LGSN: variants seen among roughly 807,000 people sequenced by gnomAD.
LGSN encodes lengsin.
Under a neutral mutation model 19.5 loss-of-function variants are expected in LGSN, and 21 were observed. The observed-to-expected ratio is 1.07, with a 90% confidence interval of 0.76 to 1.55. The LOEUF (loss-of-function observed/expected upper bound fraction) is 1.55. Among genes scored for constraint, LGSN ranks in the 40% most tolerant of loss-of-function variants. The pLI is 0.00. For synonymous variants in LGSN, 257 were observed against 215.6 expected (o/e 1.19, Z -1.68); for missense variants, 673 against 608.5 (o/e 1.11, Z -1.12).
chr6:63,391,275 A>G, the LGSN span, among the ~76,000 whole-genome samples: 1 of 152,208 alleles, frequency 6.6e-6, no homozygotes, highest in Non-Finnish European at 1.5e-5. Flanking sequence ...TAGTTGGTGT[A>G]GGTCTAAAGA....
the LGSN span, among the ~76,000 whole-genome samples, chr6:63,447,750 G>A: frequency 6.6e-6 from 1 of 152,230 alleles, no homozygotes; most frequent in Admixed American, 6.5e-5. Context: ...TAACTTTTAT[G>A]TCAAAATCTT....
the LGSN span, among the ~76,000 whole-genome samples, chr6:63,509,261 C>G: frequency 1.3e-5 from 2 of 151,904 alleles, no homozygotes; most frequent in African/African-American, 4.8e-5. Context: ...GACAGGGTTT[C>G]ACCATGTTGG....
the LGSN span, among the ~76,000 whole-genome samples, chr6:63,383,654 A>G: frequency 6.6e-6 from 1 of 152,170 alleles, no homozygotes; most frequent in Non-Finnish European, 1.5e-5. Context: ...GGACACAGAC[A>G]AGTCATATAC....
chr6:63,431,568 C>T, the LGSN span, among the ~76,000 whole-genome samples: 1 of 152,174 alleles, frequency 6.6e-6, no homozygotes, highest in African/African-American at 2.4e-5. Context: ...TGGCAAATTA[C>T]TTAATCCCCA....
At chr6:63,305,210 C>CA (rs1326392184) in intron 1 of LGSN, among the ~76,000 whole-genome samples, 5 of 152,196 alleles carry the variant, frequency 3.3e-5, no homozygotes, top group East Asian at 1.9e-4. Context: ...CTAACCCTTA[C>CA]AAAAAATTAA....
At chr6:63,566,582 T>A in the LGSN span, among the ~76,000 whole-genome samples, 2 of 152,190 alleles carry the variant, frequency 1.3e-5, no homozygotes, top group African/African-American at 4.8e-5. Context: ...TTAAAAATAC[T>A]TTTGCTAAAA....
At chr6:63,484,981 A>T in the LGSN span, among the ~76,000 whole-genome samples, 1 of 152,046 alleles carries the variant, frequency 6.6e-6, no homozygotes, top group African/African-American at 2.4e-5. Context: ...GATTTATTCT[A>T]TGCATTTTAT....
At chr6:63,317,889 G>A (rs969128713) in intron 1 of LGSN, among the ~76,000 whole-genome samples, 1 of 152,154 alleles carries the variant, frequency 6.6e-6, no homozygotes, top group Non-Finnish European at 1.5e-5. Context: ...AATATCTGCA[G>A]GGTGGGGAAC....
the LGSN span, among the ~76,000 whole-genome samples, chr6:63,524,852 C>A: frequency 6.6e-6 from 1 of 152,012 alleles, no homozygotes; most frequent in South Asian, 2.1e-4. Flanking sequence ...TATGTGAATG[C>A]GAGATGTGGC....
At chr6:63,466,779 G>A in the LGSN span, among the ~76,000 whole-genome samples, 1 of 152,072 alleles carries the variant, frequency 6.6e-6, no homozygotes, top group Non-Finnish European at 1.5e-5. Context: ...CCAAGACTAT[G>A]GGAAGAGTAG....
chr6:63,355,994 C>G, the LGSN span, among the ~76,000 whole-genome samples: 4 of 152,164 alleles, frequency 2.6e-5, no homozygotes, highest in African/African-American at 9.7e-5. Flanking sequence ...TCTGTCTTCA[C>G]ATGGTGTTAT....
At chr6:63,491,801 C>T in the LGSN span, among the ~76,000 whole-genome samples, 9 of 152,122 alleles carry the variant, frequency 5.9e-5, no homozygotes, top group Non-Finnish European at 8.8e-5. Flanking sequence ...GAGGCCGAGG[C>T]GGGCGGATCT....
At chr6:63,405,798 C>CA in the LGSN span, among the ~76,000 whole-genome samples, 1 of 152,040 alleles carries the variant, frequency 6.6e-6, no homozygotes, top group African/African-American at 2.4e-5. Flanking sequence ...AGTGCAGAGA[C>CA]ACACATAGGC....
chr6:63,340,139 C>T, the LGSN span, among the ~76,000 whole-genome samples: 449 of 152,196 alleles, frequency 3.0e-3, 3 homozygotes, highest in African/African-American at 0.01. Flanking sequence ...AAATATGCTG[C>T]TGGTCTGATG....
At chr6:63,281,301 GAA>G in intron 3 of LGSN, 81 bp from the exon 4 acceptor site, 1 of 99,300 alleles carries the variant, frequency 1.0e-5, no homozygotes, top group Non-Finnish European at 1.8e-5. Flanking sequence ...CCTTGCTAAT[GAA>G]AATATATATA....
the LGSN span, among the ~76,000 whole-genome samples, chr6:63,389,787 T>C: frequency 6.6e-6 from 1 of 152,138 alleles, no homozygotes; most frequent in East Asian, 1.9e-4. Flanking sequence ...AATTCAAAGG[T>C]AGTGCATACA....
At chr6:63,399,799 A>G in the LGSN span, among the ~76,000 whole-genome samples, 1 of 150,188 alleles carries the variant, frequency 6.7e-6, no homozygotes, top group Admixed American at 6.6e-5. Flanking sequence ...GAGCTCAAGG[A>G]ATCCTCTCAC....
chr6:63,385,808 A>G, the LGSN span, among the ~76,000 whole-genome samples: 2 of 152,196 alleles, frequency 1.3e-5, no homozygotes, highest in Admixed American at 1.3e-4. Flanking sequence ...AAGATAAGCT[A>G]ATAACCTATC....
chr6:63,370,237 T>G, the LGSN span, among the ~76,000 whole-genome samples: 1 of 151,946 alleles, frequency 6.6e-6, no homozygotes, highest in Non-Finnish European at 1.5e-5. Flanking sequence ...CAGAACAGAG[T>G]AACTGACAAG....
Sources: allele counts gnomAD v4.1 joint callset (sites outside exome capture counted in the v4.1 genomes callset), GRCh38; gene constraint gnomAD v4.1.1; transcripts MANE v1.5; gene names NCBI Gene and HGNC (gene_info 2026-07-23, HGNC 2026-07-21).